The following SLC2A9 variants were observed in gnomAD, a reference collection of about 807,000 sequenced individuals.
SLC2A9 encodes solute carrier family 2, facilitated glucose transporter member 9.
SLC2A9 carries 39 observed loss-of-function variants against 50.6 expected under a neutral mutation model. That is an observed-to-expected ratio of 0.77 (90% CI 0.60 to 1.01). The LOEUF is 1.01. SLC2A9 is among the 50% of genes least tolerant of loss of function. The probability of loss-of-function intolerance (pLI) is 0.00; values close to 1 mark genes in which losing one functional copy is unlikely to be tolerated. For missense variants in SLC2A9, 686 were observed against 677.6 expected (o/e 1.01, Z -0.14); for synonymous variants, 324 against 276.9 (o/e 1.17, Z -1.69).
intron 3 of SLC2A9, among the ~76,000 whole-genome samples, 171 bp from the exon 4 acceptor site, chr4:9,985,964 C>T (rs999479851): frequency 3.9e-5 from 6 of 152,296 alleles, no homozygotes; most frequent in Admixed American, 3.9e-4. Context: ...TGGGTTCAGC[C>T]CTGGGGTCTA....
intron 3 of SLC2A9, among the ~76,000 whole-genome samples, chr4:9,816,026 C>A (rs1407604708): frequency 6.6e-6 from 1 of 151,856 alleles, no homozygotes; most frequent in South Asian, 2.1e-4. Flanking sequence ...AAAAATTAGC[C>A]GGGCATGGTG....
chr4:9,799,952 T>C (rs181153287), intron 3 of SLC2A9, among the ~76,000 whole-genome samples: 12 of 152,300 alleles, frequency 7.9e-5, no homozygotes, highest in Admixed American at 3.3e-4. Context: ...GGGCGGATGA[T>C]GTGCTGAAGG....
At chr4:9,897,881 A>G (rs1315807847) in intron 8 of SLC2A9, among the ~76,000 whole-genome samples, 1 of 152,176 alleles carries the variant, frequency 6.6e-6, no homozygotes, top group Non-Finnish European at 1.5e-5. Context: ...TGGGTGACAG[A>G]GTGAGACATT....
At chr4:9,922,362 T>C (rs1445489461) in intron 6 of SLC2A9, among the ~76,000 whole-genome samples, 2 of 151,974 alleles carry the variant, frequency 1.3e-5, no homozygotes, top group East Asian at 1.9e-4. Context: ...AAATAGCTAA[T>C]GCATGCAGGG....
At chr4:9,845,722 G>A (rs1201701712) in intron 10 of SLC2A9, among the ~76,000 whole-genome samples, 4 of 152,090 alleles carry the variant, frequency 2.6e-5, no homozygotes, top group South Asian at 2.1e-4. Context: ...GAGCCACCGC[G>A]CCCGGCCCTG....
At chr4:9,915,473 T>G (rs112400230) in intron 7 of SLC2A9, among the ~76,000 whole-genome samples, 2,767 of 152,312 alleles carry the variant, frequency 0.018, 31 homozygotes, top group Middle Eastern at 0.054. Flanking sequence ...CGACCTCAAG[T>G]GATCTGCCCA....
intron 3 of SLC2A9, among the ~76,000 whole-genome samples, chr4:9,792,163 C>CTTTTT (rs34289788): frequency 2.8e-3 from 213 of 77,188 alleles, no homozygotes; most frequent in Non-Finnish European, 3.2e-3. Flanking sequence ...TTCTATGTTT[C>CTTTTT]TTTTTTTTTT....
intron 3 of SLC2A9, among the ~76,000 whole-genome samples, chr4:9,819,116 C>CAAAAAAAAAAAAAAAAAAAAAAAAAAAA: frequency 1.7e-5 from 1 of 57,374 alleles, no homozygotes; most frequent in Non-Finnish European, 3.9e-5. Context: ...GAGACTGTCT[C>CAAAAAAAAAAAAAAAAAAAAAAAAAAAA]AAAAAAAAAA....
At chr4:9,995,221 G>A (rs1395631832) in intron 3 of SLC2A9, among the ~76,000 whole-genome samples, 1 of 152,124 alleles carries the variant, frequency 6.6e-6, no homozygotes, top group East Asian at 1.9e-4. Flanking sequence ...AACCTTGAAG[G>A]ACCTCAGACA....
At chr4:10,007,901 G>C (rs556860136) in intron 2 of SLC2A9, among the ~76,000 whole-genome samples, 2 of 152,296 alleles carry the variant, frequency 1.3e-5, no homozygotes, top group African/African-American at 4.8e-5. Flanking sequence ...CCGCCAGAAG[G>C]ATGAAATGAG....
intron 7 of SLC2A9, among the ~76,000 whole-genome samples, chr4:9,911,000 GTGT>G (rs1741654009): frequency 6.6e-6 from 1 of 151,754 alleles, no homozygotes; most frequent in Non-Finnish European, 1.5e-5. Flanking sequence ...GCCTGTTGGG[GTGT>G]GGGGGGGCTA....
intron 5 of SLC2A9, among the ~76,000 whole-genome samples, chr4:9,955,050 G>A (rs1431443946): frequency 6.6e-6 from 1 of 152,114 alleles, no homozygotes; most frequent in African/African-American, 2.4e-5. Flanking sequence ...AGGGAAAAAC[G>A]CCTCAAGTCA....
At chr4:9,800,993 C>A (rs1488460695) in intron 3 of SLC2A9, among the ~76,000 whole-genome samples, 1 of 152,160 alleles carries the variant, frequency 6.6e-6, no homozygotes. Context: ...CTCATGGATG[C>A]CACAGCAGCT....
At position 9,884,024 on chromosome 4, in the gene SLC2A9, C is replaced by T. The variant is rs935233941; in HGVS notation, c.1291+3543G>A. Reference sequence around the variant, plus strand: ...CTGGATGCAGTAGACCAGAGACACTCGGGGTTGGCAGAGCCACAGCCCAGG... The same window carrying T: ...CTGGATGCAGTAGACCAGAGACACTTGGGGTTGGCAGAGCCACAGCCCAGG... On this transcript the variant is annotated intron_variant, in intron 10 of 11. Transcript: ENST00000264784. Among the ~76,000 whole-genome samples, 9 of 152,308 alleles carry T rather than the reference C, an allele frequency of 5.9e-5. 1 individual carries two copies. Among genetic ancestry groups the T allele is most frequent in the East Asian group, 3.9e-4 (2 of 5,180 alleles).
chr4:9,819,822 T>A (rs762105912), intron 3 of SLC2A9, among the ~76,000 whole-genome samples: 19 of 152,222 alleles, frequency 1.2e-4, no homozygotes, highest in Non-Finnish European at 2.5e-4. Flanking sequence ...TAATCCTAGC[T>A]ACTTGGGAGG....
intron 10 of SLC2A9, among the ~76,000 whole-genome samples, chr4:9,835,995 G>A (rs1727017955): frequency 7.0e-6 from 1 of 143,882 alleles, no homozygotes; most frequent in East Asian, 2.0e-4. Flanking sequence ...GCTGAGGCAG[G>A]AGAATCATTT....
At chr4:9,942,740 G>C (rs932864495) in intron 5 of SLC2A9, among the ~76,000 whole-genome samples, 1 of 152,220 alleles carries the variant, frequency 6.6e-6, no homozygotes, top group African/African-American at 2.4e-5. Flanking sequence ...CAGAGCACAC[G>C]TTACGATGCC....
intron 1 of SLC2A9, among the ~76,000 whole-genome samples, chr4:9,773,572 A>G (rs978744600): frequency 6.6e-6 from 1 of 152,262 alleles, no homozygotes; most frequent in Non-Finnish European, 1.5e-5. Context: ...ATGTTTGAGG[A>G]AAATCCTCTT....
At chr4:9,884,308 G>C (rs1475156034) in intron 10 of SLC2A9, among the ~76,000 whole-genome samples, 1 of 151,992 alleles carries the variant, frequency 6.6e-6, no homozygotes, top group Non-Finnish European at 1.5e-5. Flanking sequence ...TTTTTCTCTA[G>C]CACCCTGGCT....
Sources: allele counts gnomAD v4.1 joint callset (sites outside exome capture counted in the v4.1 genomes callset), GRCh38; gene constraint gnomAD v4.1.1; transcripts MANE v1.5; gene names NCBI Gene and HGNC (gene_info 2026-07-23, HGNC 2026-07-21).